STRBP: variants seen among roughly 807,000 people sequenced by gnomAD.
The protein encoded by STRBP is spermatid perinuclear RNA binding protein.
A neutral mutation model predicts 80.1 loss-of-function variants in STRBP; 13 were observed. That is an observed-to-expected ratio of 0.16 (90% CI 0.11 to 0.26). The LOEUF is 0.26. STRBP is among the 10% of genes least tolerant of loss of function. The probability of loss-of-function intolerance (pLI) is 1.00; values close to 1 mark genes in which losing one functional copy is unlikely to be tolerated. For synonymous variants in STRBP, 284 were observed against 291.2 expected (o/e 0.98, Z 0.25); for missense variants, 485 against 815.2 (o/e 0.59, Z 4.93).
chr9:123,266,649 T>G (rs1376382086), intron 1 of STRBP, among the ~76,000 whole-genome samples: 1 of 152,006 alleles, frequency 6.6e-6, no homozygotes, highest in Non-Finnish European at 1.5e-5. Context: ...CCTGTGTTCC[T>G]AGCTCTCTCC....
At chr9:123,174,934 C>T (rs2038157142) in intron 4 of STRBP, among the ~76,000 whole-genome samples, 1 of 152,128 alleles carries the variant, frequency 6.6e-6, no homozygotes, top group African/African-American at 2.4e-5. Context: ...TTGGGTATGG[C>T]AAACATATTT....
intron 2 of STRBP, among the ~76,000 whole-genome samples, chr9:123,224,219 C>T (rs1056624727): frequency 6.6e-6 from 1 of 152,208 alleles, no homozygotes; most frequent in African/African-American, 2.4e-5. Flanking sequence ...CACACCCACT[C>T]ATGCCTTGTC....
intron 4 of STRBP, among the ~76,000 whole-genome samples, chr9:123,175,650 A>G (rs1490993249): frequency 1.3e-5 from 2 of 152,212 alleles, no homozygotes; most frequent in Non-Finnish European, 2.9e-5. Flanking sequence ...CTTCCTCTGT[A>G]TCCTTGTCCT....
downstream of STRBP, among the ~76,000 whole-genome samples, chr9:123,117,865 A>C (rs1034621626): frequency 6.6e-6 from 1 of 152,276 alleles, no homozygotes; most frequent in Non-Finnish European, 1.5e-5. Context: ...TGAAATTCAA[A>C]GAAAAACAAG....
rs951977794 is a variant in STRBP at position 123,261,052 on chromosome 9, A to G, written c.-302+7384T>C. On this transcript the variant is annotated intron_variant, in intron 1 of 18. Coordinates refer to ENST00000348403, the MANE Select transcript of STRBP (RefSeq NM_018387.5). ...ATTTCAGACTTAAGGAGAGAGATCTACAACTAGTAAATAGGATCAGATCTC... is the reference window on the plus strand; with the variant it reads ...ATTTCAGACTTAAGGAGAGAGATCTGCAACTAGTAAATAGGATCAGATCTC... Among the ~76,000 whole-genome samples, 148 of 152,224 alleles carry G rather than the reference A, an allele frequency of 9.7e-4. 1 individual carries two copies. The highest frequency in any genetic ancestry group is 2.1e-4 in the Non-Finnish European group (14 of 68,032).
intron 1 of STRBP, among the ~76,000 whole-genome samples, chr9:123,259,246 AGAAAATGGAAAG>A (rs1239435057): frequency 2.0e-5 from 3 of 152,194 alleles, no homozygotes; most frequent in Non-Finnish European, 4.4e-5. Context: ...TTTTGACCTG[AGAAAATGGAAAG>A]ATGAAGCTGC....
At position 123,168,327 on chromosome 9, in the gene STRBP, A is replaced by T. The variant is rs544997384; in HGVS notation, c.535+1575T>A. On this transcript the variant is annotated intron_variant, in intron 6 of 18. Transcript: ENST00000348403. The stretch of plus-strand genomic sequence containing the variant: ...GCTATAGATACTACATACAGCAAAA[A>T]AATTTTAATGCATAGGCATAAGCTC... The T allele has an allele frequency of 5.2e-5, 25 of 485,432 alleles. No individual in the cohort carries two copies. The South Asian group carries it at 2.0e-3, about 38-fold the overall frequency. 30.1% of individuals were successfully genotyped at this position (485,432 alleles called of 1,614,324 possible).
chr9:123,249,182 G>T (rs144935628), intron 1 of STRBP, among the ~76,000 whole-genome samples: 1 of 152,124 alleles, frequency 6.6e-6, no homozygotes, highest in Non-Finnish European at 1.5e-5. Context: ...GTTGGAAACC[G>T]CAGGTCACAA....
chr9:123,263,998 T>C (rs1311982132), intron 1 of STRBP, among the ~76,000 whole-genome samples: 1 of 152,112 alleles, frequency 6.6e-6, no homozygotes, highest in Non-Finnish European at 1.5e-5. Context: ...GCCAACATGG[T>C]GAAACCCCGC....
At chr9:123,158,544 G>A (rs1297500824) in intron 9 of STRBP, 115 bp from the exon 10 acceptor site, 17 of 857,096 alleles carry the variant, frequency 2.0e-5, no homozygotes, top group Non-Finnish European at 3.1e-5. Flanking sequence ...AAAAACTGAG[G>A]AACTAAGTTA....
intron 17 of STRBP, among the ~76,000 whole-genome samples, chr9:123,130,794 G>C (rs528940091): frequency 1.3e-5 from 2 of 152,124 alleles, no homozygotes; most frequent in African/African-American, 4.8e-5. Flanking sequence ...AAAAACCCTA[G>C]GAGCTGAGAT....
chr9:123,169,609 AC>A (rs1389969856), intron 6 of STRBP, among the ~76,000 whole-genome samples: 3 of 152,346 alleles, frequency 2.0e-5, no homozygotes, highest in Non-Finnish European at 4.4e-5. Flanking sequence ...GCAATACTAG[AC>A]AAAGTAAAAC....
chr9:123,127,716 C>G (rs1396156905), intron 18 of STRBP, among the ~76,000 whole-genome samples: 2 of 152,202 alleles, frequency 1.3e-5, no homozygotes, highest in African/African-American at 4.8e-5. Context: ...CACTTCCTCT[C>G]TAGGGCCAAT....
rs1351461589 is a variant in STRBP, at chr9:123,123,320, G to C, written c.*2277C>G. On this transcript the variant is annotated 3_prime_UTR_variant, in exon 19 of 19. Transcript: ENST00000348403. The stretch of plus-strand genomic sequence containing the variant: ...TTCTCTGCTCTTTCAGCTGTAAGTG[G>C]AATTTTCATTACAAAATGGAAGGGT... 1.0e-6 allele frequency: 1 copy of C among 985,234 alleles called. No homozygotes were observed. Among genetic ancestry groups the C allele is most frequent in the Non-Finnish European group, 1.2e-6 (1 of 829,924 alleles). The allele number at this position is 985,234 out of a possible 1,614,324, so 61.0% of individuals were successfully genotyped here.
At chr9:123,218,272 T>C (rs1209771714) in intron 2 of STRBP, among the ~76,000 whole-genome samples, 1 of 151,822 alleles carries the variant, frequency 6.6e-6, no homozygotes, top group Non-Finnish European at 1.5e-5. Flanking sequence ...GGACTGGGAA[T>C]GATATGTAAC....
At chr9:123,214,526 TAAAA>T (rs2039827221) in intron 2 of STRBP, among the ~76,000 whole-genome samples, 1 of 151,998 alleles carries the variant, frequency 6.6e-6, no homozygotes, top group Non-Finnish European at 1.5e-5. Context: ...ATTAAGAAAA[TAAAA>T]GAAAGAATCA....
At chr9:123,267,042 A>G (rs2041282850) in intron 1 of STRBP, among the ~76,000 whole-genome samples, 1 of 137,870 alleles carries the variant, frequency 7.3e-6, no homozygotes, top group Admixed American at 7.3e-5. Context: ...ACCGCTCCAC[A>G]CTTCCCGCCT....
intron 2 of STRBP, among the ~76,000 whole-genome samples, chr9:123,188,646 A>C (rs2038798673): frequency 6.6e-6 from 1 of 152,212 alleles, no homozygotes; most frequent in South Asian, 2.1e-4. Context: ...CATCTCAAAA[A>C]TAAAAATAAA....
At chr9:123,225,141 G>A (rs2040194972) in intron 2 of STRBP, among the ~76,000 whole-genome samples, 1 of 152,214 alleles carries the variant, frequency 6.6e-6, no homozygotes, top group Non-Finnish European at 1.5e-5. Flanking sequence ...GTGATTCAGT[G>A]GTGGAGTGGG....
Sources: gnomAD v4.1 joint callset for allele counts (sites outside exome capture counted in the v4.1 genomes callset) on GRCh38, gnomAD v4.1.1 for gene constraint, MANE v1.5 for transcripts, NCBI Gene and HGNC (gene_info 2026-07-23, HGNC 2026-07-21) for gene names.